The following LRP11 variants were observed in gnomAD, a reference collection of about 807,000 sequenced individuals.
LRP11 encodes the protein LDL receptor related protein 11.
Under a neutral mutation model 43.1 loss-of-function variants are expected in LRP11, and 25 were observed. The observed-to-expected ratio is 0.58, with a 90% CI of 0.42 to 0.81. LRP11 has a LOEUF of 0.81. LRP11 is among the 30% of genes least tolerant of loss of function. LRP11 has a pLI of 0.00. For synonymous variants in LRP11, 316 were observed against 299.4 expected, an observed-to-expected ratio of 1.06 and a Z score of -0.57; for missense variants, 623 against 665.1, an observed-to-expected ratio of 0.94 and a Z score of 0.70.
chr6:149,836,591 C>A (rs982645363), intron 4 of LRP11, among the ~76,000 whole-genome samples: 4 of 152,130 alleles, frequency 2.6e-5, no homozygotes, highest in African/African-American at 9.7e-5. Flanking sequence ...AGTAGGCAAT[C>A]ACTTGAGCCC....
Position 149,849,515 on chromosome 6 carries a change from G to A in LRP11, c.771+3488C>T, listed in dbSNP as rs573121146. ...CTCATGCCTGTAATTTCAACACTTT[G>A]GGAGGCCAAGGAGGGAGGATTGCTT... is the stretch of plus-strand genomic sequence containing the variant. On this transcript the variant is annotated intron_variant, in intron 2 of 6. Transcript: ENST00000239367. Among the ~76,000 whole-genome samples, 16 of 152,238 alleles carry A rather than the reference G, an allele frequency of 1.1e-4. No homozygotes were observed. In the South Asian group the frequency reaches 3.1e-3, roughly 30 times the overall value.
chr6:149,864,044 A>G lies in LRP11; in HGVS notation c.-24T>C. 7.7e-7 allele frequency: 1 copy of G among 1,306,966 alleles called. No homozygotes were observed. Among genetic ancestry groups the G allele is most frequent in the Non-Finnish European group, 9.7e-7 (1 of 1,033,948 alleles). The allele number at this position is 1,306,966 out of a possible 1,614,324, so 81.0% of individuals were successfully genotyped here. ...ATGGCGACGAGAGCCAAGGGCAGCG[A>G]GCCGAGGCGGGGCTGAGCGCGGGAG... is the stretch of plus-strand genomic sequence containing the variant. On this transcript the variant is annotated 5_prime_UTR_variant, in exon 1 of 7. Coordinates refer to ENST00000239367, the MANE Select transcript of LRP11 (RefSeq NM_032832.6).
At chr6:149,832,620 CTTTT>C (rs10712132) in intron 5 of LRP11, among the ~76,000 whole-genome samples, 2 of 96,400 alleles carry the variant, frequency 2.1e-5, no homozygotes. Flanking sequence ...CAACAATGTA[CTTTT>C]TTTTTTTTTT....
intron 1 of LRP11, among the ~76,000 whole-genome samples, chr6:149,854,149 G>A (rs1776764301): frequency 6.6e-6 from 1 of 152,092 alleles, no homozygotes; most frequent in South Asian, 2.1e-4. Context: ...TTGCTTTTGA[G>A]ACAGGGTCTC....
intron 6 of LRP11, among the ~76,000 whole-genome samples, chr6:149,821,438 G>A (rs1776277515): frequency 6.6e-6 from 1 of 152,206 alleles, no homozygotes; most frequent in African/African-American, 2.4e-5. Flanking sequence ...CTGATTTCTT[G>A]TTCTAGTTAG....
Position 149,827,420 on chromosome 6 carries a change from A to C in LRP11, c.1253-1061T>G, listed in dbSNP as rs555191469. ...AGACTATTTAAAGGTAGTATATAAAATTCTTTGGTAACTTGCATTTTGCAA... is the reference window on the plus strand; with the variant it reads ...AGACTATTTAAAGGTAGTATATAAACTTCTTTGGTAACTTGCATTTTGCAA... On this transcript the variant is annotated intron_variant, in intron 5 of 6. Coordinates refer to ENST00000239367, the MANE Select transcript of LRP11 (RefSeq NM_032832.6). The surrounding 1 kb of genome is among the most constrained non-coding windows in gnomAD (Gnocchi z 4.2). 2.0e-5 allele frequency among the ~76,000 whole-genome samples: 3 copies of C among 152,356 alleles called. No individual in the cohort carries two copies. The highest frequency in any genetic ancestry group is 2.0e-4 in the Admixed American group (3 of 15,306).
chr6:149,847,791 C>A (rs1170732349), intron 2 of LRP11, among the ~76,000 whole-genome samples: 6 of 148,834 alleles, frequency 4.0e-5, no homozygotes, highest in Non-Finnish European at 5.9e-5. Flanking sequence ...TAGCAATACA[C>A]GTTTGGGCTT....
rs1776966971 is a variant in LRP11 at position 149,863,436 on chromosome 6, C to G, written c.585G>C (p.Leu195=). ...GCCGGGGCGAGGCGCGCGCGGTGGC[C>G]AGGGCGGCGCCGTCCGGCGCGCGGC... The part of the protein sequence containing the change: ...SLSRAPDGAA[L]ATARASPRQE... Residue 195 remains leucine (L), a synonymous_variant, in exon 1 of 7, where the codon CTG becomes CTC. Coordinates refer to ENST00000239367, the MANE Select transcript of LRP11 (RefSeq NM_032832.6). The G allele has an allele frequency of 7.6e-7, 1 of 1,313,192 alleles. No individual in the cohort carries two copies. Among genetic ancestry groups the G allele is most frequent in the South Asian group, 2.3e-5 (1 of 43,040 alleles). 81.3% of individuals were successfully genotyped at this position (1,313,192 alleles called of 1,614,324 possible). A position where few individuals can be genotyped will look rare whatever the true frequency, so the allele number is the denominator to read the frequency against.
intron 5 of LRP11, among the ~76,000 whole-genome samples, chr6:149,835,312 T>G (rs1345766378): frequency 6.6e-6 from 1 of 152,192 alleles, no homozygotes; most frequent in Admixed American, 6.5e-5. Flanking sequence ...TAATGTATTT[T>G]AGGCCAGGTG....
Position 149,824,140 on chromosome 6 carries a change from C to T in LRP11, c.1348+2124G>A, listed in dbSNP as rs144366734. On this transcript the variant is annotated intron_variant, in intron 6 of 6. Transcript: ENST00000239367. ...CCAAATCATTTCTCATGAATTGGAC[C>T]GCAACACCCAGCCCCAGTCCGGGGG... Among the ~76,000 whole-genome samples, 572 of 152,272 alleles carry T rather than the reference C, an allele frequency of 3.8e-3. 4 individuals carry two copies. Among genetic ancestry groups the T allele is most frequent in the African/African-American group, 0.012 (517 of 41,548 alleles).
chr6:149,863,465 G>GGCTGTAGCT lies in LRP11; in HGVS notation c.547_555dup (p.Ser183_Ser185dup), dbSNP rs1373491265. 9.7e-6 allele frequency: 13 copies of GGCTGTAGCT among 1,338,622 alleles called. No homozygotes were observed. Among genetic ancestry groups the GGCTGTAGCT allele is most frequent in the East Asian group, 3.1e-5 (1 of 32,218 alleles). 82.9% of individuals were successfully genotyped at this position (1,338,622 alleles called of 1,614,324 possible). A position where few individuals can be genotyped will look rare whatever the true frequency, so the allele number is the denominator to read the frequency against. On this transcript the variant is annotated inframe_insertion, in exon 1 of 7. Transcript: ENST00000239367. ...GCGGCGCCGTCCGGCGCGCGGCTGA[G>GGCTGTAGCT]GCTGTAGCTGCTGTAGCCGCTGTGC...
At chr6:149,831,111 T>C (rs993237966) in intron 5 of LRP11, among the ~76,000 whole-genome samples, 1 of 152,260 alleles carries the variant, frequency 6.6e-6, no homozygotes, top group Non-Finnish European at 1.5e-5. Context: ...ATGATCCTTC[T>C]GGAAGAGTTA....
intron 5 of LRP11, among the ~76,000 whole-genome samples, chr6:149,831,203 G>C (rs1776403872): frequency 6.6e-6 from 1 of 152,192 alleles, no homozygotes; most frequent in African/African-American, 2.4e-5. Flanking sequence ...GAGGGAATTG[G>C]CAGCTGGATG....
intron 1 of LRP11, among the ~76,000 whole-genome samples, chr6:149,858,425 T>A (rs1198818728): frequency 6.6e-6 from 1 of 152,194 alleles, no homozygotes; most frequent in African/African-American, 2.4e-5. Context: ...TGTGCCACAT[T>A]TTCTTAATCC....
intron 3 of LRP11, among the ~76,000 whole-genome samples, chr6:149,839,789 G>A (rs1198791769): frequency 4.6e-5 from 7 of 152,052 alleles, no homozygotes; most frequent in Non-Finnish European, 1.0e-4. Flanking sequence ...TGAGTAGCTG[G>A]GATTACAGGC....
chr6:149,852,857 C>G, intron 2 of LRP11, 146 bp downstream of exon 2: 1 of 581,112 alleles, frequency 1.7e-6, no homozygotes, highest in South Asian at 5.0e-5. Flanking sequence ...GATAATAAAC[C>G]ATTTTGGCAT....
intron 1 of LRP11, among the ~76,000 whole-genome samples, chr6:149,861,026 T>C (rs1156622981): frequency 6.6e-6 from 1 of 152,204 alleles, no homozygotes; most frequent in African/African-American, 2.4e-5. Flanking sequence ...ACAGGGCTGG[T>C]GTGTCCTGCT....
Position 149,818,943 on chromosome 6 carries a change from A to G in LRP11, c.*1606T>C, listed in dbSNP as rs148280839. On this transcript the variant is annotated 3_prime_UTR_variant, in exon 7 of 7. Coordinates refer to ENST00000239367, the MANE Select transcript of LRP11 (RefSeq NM_032832.6). ...TGCATGCCTCATCAGTTTTTATTTT[A>G]TTGGTTATGGCTATAGTTGACATCT... 1.3e-5 allele frequency: 2 copies of G among 152,706 alleles called. No individual in the cohort carries two copies. Among genetic ancestry groups the G allele is most frequent in the African/African-American group, 2.4e-5 (1 of 41,548 alleles). 9.5% of individuals were successfully genotyped at this position (152,706 alleles called of 1,614,324 possible). A position where few individuals can be genotyped will look rare whatever the true frequency, so the allele number is the denominator to read the frequency against.
intron 1 of LRP11, among the ~76,000 whole-genome samples, chr6:149,859,396 A>ATATTTTTTTTTTTT: frequency 7.0e-5 from 5 of 71,496 alleles, no homozygotes; most frequent in African/African-American, 3.3e-4. Flanking sequence ...ATATATATAT[A>ATATTTTTTTTTTTT]TTTTTTTTTT....
Sources: allele counts gnomAD v4.1 joint callset (sites outside exome capture counted in the v4.1 genomes callset), GRCh38; gene constraint gnomAD v4.1.1; non-coding constraint Gnocchi (gnomAD v3.1); transcripts MANE v1.5; gene names NCBI Gene and HGNC (gene_info 2026-07-23, HGNC 2026-07-21).